Variants in RTKN2 observed in about 807,000 individuals in gnomAD.
The protein encoded by RTKN2 is rhotekin 2, also known as rhotekin-2.
A neutral mutation model predicts 71.5 loss-of-function variants in RTKN2; 69 were observed. The ratio of observed to expected loss-of-function variants is 0.96; its 90% CI spans 0.79 to 1.18. RTKN2 has a LOEUF of 1.18. RTKN2 is among the 50% of genes most tolerant of loss of function. The pLI is 0.00. For synonymous variants in RTKN2, 236 were observed against 236.5 expected (o/e 1.00, Z 0.02); for missense variants, 724 against 719.7 (o/e 1.01, Z -0.07).
chr10:62,257,380 G>GT (rs1384830238), intron 2 of RTKN2, among the ~76,000 whole-genome samples: 2 of 152,130 alleles, frequency 1.3e-5, no homozygotes, highest in Non-Finnish European at 2.9e-5. Flanking sequence ...GTAAAAGGAG[G>GT]TAAATAGTCA....
chr10:62,251,724 CA>C (rs1842585226), intron 2 of RTKN2, among the ~76,000 whole-genome samples: 1 of 151,826 alleles, frequency 6.6e-6, no homozygotes, highest in African/African-American at 2.4e-5. Flanking sequence ...TGAAAGAAAC[CA>C]GGAATCTAAA....
At chr10:62,208,101 C>A (rs1006744135) in intron 9 of RTKN2, among the ~76,000 whole-genome samples, 2 of 152,098 alleles carry the variant, frequency 1.3e-5, no homozygotes, top group Admixed American at 1.3e-4. Context: ...AAAACATAAA[C>A]TGGGAAGTCA....
chr10:62,228,435 G>A (rs1268507480), intron 6 of RTKN2, among the ~76,000 whole-genome samples: 3 of 152,162 alleles, frequency 2.0e-5, no homozygotes, highest in Non-Finnish European at 4.4e-5. Flanking sequence ...TGACCTTGAC[G>A]AGACTAGTTT....
In RTKN2 at chr10:62,225,925, G is replaced by A. The variant is rs533417512; in HGVS notation, c.687-2593C>T. 1.4e-3 allele frequency among the ~76,000 whole-genome samples: 208 copies of A among 152,026 alleles called. 1 individual carries two copies. Among genetic ancestry groups the A allele is most frequent in the African/African-American group, 4.8e-3 (198 of 41,468 alleles). ...GCCTCCCGAGTAGCTGGGACTACAG[G>A]CGCCCGCCACCATGCCCAGCTTATT... On this transcript the variant is annotated intron_variant, in intron 6 of 11. Coordinates refer to ENST00000373789, the MANE Select transcript of RTKN2 (RefSeq NM_145307.4).
intron 3 of RTKN2, among the ~76,000 whole-genome samples, chr10:62,242,287 TTTCCC>T (rs1365879543): frequency 6.6e-6 from 1 of 152,190 alleles, no homozygotes; most frequent in Non-Finnish European, 1.5e-5. Context: ...AAAATTTCCC[TTTCCC>T]AAGTGTTTTA....
At chr10:62,263,193 C>T (rs1392912310) in intron 1 of RTKN2, among the ~76,000 whole-genome samples, 2 of 152,150 alleles carry the variant, frequency 1.3e-5, no homozygotes, top group East Asian at 1.9e-4. Context: ...TGAGAACATA[C>T]TGGATTAGAG....
At chr10:62,208,073 T>C (rs1564502960) in intron 9 of RTKN2, among the ~76,000 whole-genome samples, 1 of 152,136 alleles carries the variant, frequency 6.6e-6, no homozygotes, top group African/African-American at 2.4e-5. Context: ...ACCTAGAGAA[T>C]GCCAAGTGAA....
downstream of RTKN2, among the ~76,000 whole-genome samples, chr10:62,191,410 A>C (rs1311371305): frequency 2.0e-5 from 3 of 152,172 alleles, no homozygotes; most frequent in East Asian, 5.8e-4. Flanking sequence ...TTCCCAAAGT[A>C]CTGGGATTAT....
chr10:62,196,050 A>G lies in RTKN2; in HGVS notation c.*1858T>C. On this transcript the variant is annotated 3_prime_UTR_variant, in exon 12 of 12. Coordinates refer to ENST00000373789, the MANE Select transcript of RTKN2 (RefSeq NM_145307.4). ...ATAAAGGAAGGCATCAACTAGGAAA[A>G]AAAAAAGAATGCTTAGATGCCAGCT... 3 of 985,390 alleles carry G rather than the reference A, an allele frequency of 3.0e-6. No individual in the cohort carries two copies. Among genetic ancestry groups the G allele is most frequent in the Non-Finnish European group, 3.6e-6 (3 of 829,892 alleles). 61.0% of individuals were successfully genotyped at this position (985,390 alleles called of 1,614,324 possible).
At chr10:62,199,242 C>T (rs1841391249) in intron 11 of RTKN2, among the ~76,000 whole-genome samples, 1 of 152,194 alleles carries the variant, frequency 6.6e-6, no homozygotes, top group Non-Finnish European at 1.5e-5. Context: ...CAAAAATAAA[C>T]ACCCTTCAAG....
chr10:62,196,727 C>A lies in RTKN2; in HGVS notation c.*1181G>T. The A allele has an allele frequency of 1.0e-6, 1 of 983,452 alleles. No homozygotes were observed. Among genetic ancestry groups the A allele is most frequent in the South Asian group, 4.7e-5 (1 of 21,234 alleles). The allele number at this position is 983,452 out of a possible 1,614,324, so 60.9% of individuals were successfully genotyped here. ...GAGATTTTTAGTGCTGTTGCTGACA[C>A]CTTATGGAAACTGTTTTATTTGGAA... is the stretch of plus-strand genomic sequence containing the variant. On this transcript the variant is annotated 3_prime_UTR_variant, in exon 12 of 12. Coordinates refer to ENST00000373789, the MANE Select transcript of RTKN2 (RefSeq NM_145307.4).
At chr10:62,259,522 A>G (rs1842734861) in intron 2 of RTKN2, among the ~76,000 whole-genome samples, 1 of 152,044 alleles carries the variant, frequency 6.6e-6, no homozygotes, top group African/African-American at 2.4e-5. Context: ...CTCCTGAATA[A>G]TTCATATTTA....
intron 3 of RTKN2, among the ~76,000 whole-genome samples, chr10:62,242,357 T>A (rs1268524346): frequency 6.6e-6 from 1 of 152,208 alleles, no homozygotes; most frequent in Non-Finnish European, 1.5e-5. Context: ...TAATATTCTA[T>A]CTTTACACAG....
chr10:62,249,516 G>A (rs1248596147), intron 2 of RTKN2, among the ~76,000 whole-genome samples: 1 of 151,984 alleles, frequency 6.6e-6, no homozygotes, highest in Admixed American at 6.6e-5. Context: ...ACCAGTGCTT[G>A]GTATTCAGCT....
At position 62,194,029 on chromosome 10, in the gene RTKN2, G is replaced by A. The variant is rs1177115294; in HGVS notation, c.*3879C>T. 2 of 984,210 alleles carry A rather than the reference G, an allele frequency of 2.0e-6. No individual in the cohort carries two copies. The highest frequency in any genetic ancestry group is 1.7e-5 in the African/African-American group (1 of 57,302). 61.0% of individuals were successfully genotyped at this position (984,210 alleles called of 1,614,324 possible). A position where few individuals can be genotyped will look rare whatever the true frequency, so the allele number is the denominator to read the frequency against. ...GAATCAGTTCTTTTAATGTACAGAAGTTTCAATTACATGACTTGGGCTCGC... is the reference window on the plus strand; with the variant it reads ...GAATCAGTTCTTTTAATGTACAGAAATTTCAATTACATGACTTGGGCTCGC... On this transcript the variant is annotated 3_prime_UTR_variant, in exon 12 of 12. Transcript: ENST00000373789.
chr10:62,212,431 G>A (rs1173501090), intron 9 of RTKN2, among the ~76,000 whole-genome samples: 1 of 151,968 alleles, frequency 6.6e-6, no homozygotes, highest in Non-Finnish European at 1.5e-5. Context: ...ACTGGGTATG[G>A]TGGCTCATAC....
rs1564496168 is a variant in RTKN2, at chr10:62,195,610, G to GAATGAAT, written c.*2297_*2298insATTCATT. The GAATGAAT allele has an allele frequency of 7.9e-6, 1 of 126,022 alleles. No individual in the cohort carries two copies. The highest frequency in any genetic ancestry group is 1.2e-4 in the African/African-American group (1 of 8,112). 7.8% of individuals were successfully genotyped at this position (126,022 alleles called of 1,614,324 possible). Reference sequence around the variant, plus strand: ...AGGAGAGACGGACAGAGGGAATGAAGGAAGGAAGGAAGGAAGGAAGGAAGG... The same window carrying GAATGAAT: ...AGGAGAGACGGACAGAGGGAATGAAGAATGAATGAAGGAAGGAAGGAAGGAAGGAAGG... On this transcript the variant is annotated 3_prime_UTR_variant, in exon 12 of 12. Transcript: ENST00000373789.
chr10:62,221,409 T>C (rs543230837), intron 7 of RTKN2, among the ~76,000 whole-genome samples: 1 of 152,162 alleles, frequency 6.6e-6, no homozygotes, highest in Admixed American at 6.5e-5. Context: ...CAGGTTATCA[T>C]AGATTTAAAC....
chr10:62,208,504 G>A (rs575213167), intron 9 of RTKN2, among the ~76,000 whole-genome samples: 27 of 152,088 alleles, frequency 1.8e-4, no homozygotes, highest in Non-Finnish European at 3.5e-4. Flanking sequence ...ACATTGATTA[G>A]AACATTGACT....
Sources: gnomAD v4.1 joint callset for allele counts (sites outside exome capture counted in the v4.1 genomes callset) on GRCh38, gnomAD v4.1.1 for gene constraint, MANE v1.5 for transcripts, NCBI Gene and HGNC (gene_info 2026-07-23, HGNC 2026-07-21) for gene names.